Variants in CGAS observed in about 807,000 individuals in gnomAD.
The protein encoded by CGAS is 2'3'-cGAMP synthase.
A neutral mutation model predicts 34.0 loss-of-function variants in CGAS; 31 were observed. The observed-to-expected ratio is 0.91, with a 90% CI of 0.69 to 1.23. The LOEUF is 1.23. Among genes scored for constraint, CGAS ranks in the 50% most tolerant of loss-of-function variants. The probability of loss-of-function intolerance (pLI) is 0.00; values close to 1 mark genes in which losing one functional copy is unlikely to be tolerated. For synonymous variants in CGAS, 266 were observed against 260.0 expected (o/e 1.02, Z -0.22); for missense variants, 597 against 657.6 (o/e 0.91, Z 1.01).
Position 73,451,940 on chromosome 6 carries a change from G to T in CGAS, c.242C>A (p.Ala81Asp). 2 of 1,498,574 alleles carry T rather than the reference G, an allele frequency of 1.3e-6. No individual in the cohort carries two copies. The highest frequency in any genetic ancestry group is 1.9e-4 in the Middle Eastern group (1 of 5,140). The allele number at this position is 1,498,574 out of a possible 1,614,324, so 92.8% of individuals were successfully genotyped here. A position where few individuals can be genotyped will look rare whatever the true frequency, so the allele number is the denominator to read the frequency against. The change falls in exon 1 of 5, where the codon GCC becomes GAC. Residue 81 changes from alanine (A) to aspartate (D), a missense_variant. Ala to Asp is a moderately radical substitution (Grantham distance 126, BLOSUM62 -2). Around this residue, in one of 3 missense-constraint regions of CGAS, gnomAD observed 321 missense variants for 314.3 expected, o/e 1.02. Transcript: ENST00000370315. The stretch of plus-strand genomic sequence containing the variant: ...CTGGGCGCGCTGAGGGGCCTTTTTG[G>T]CGCGGGCCCCAGTTGCGCGGACGGG... ...RPPVRATGAR[A>D]KKAPQRAQDT...
At chr6:73,448,396 T>TCAAAA (rs1281213295) in intron 1 of CGAS, among the ~76,000 whole-genome samples, 2 of 152,026 alleles carry the variant, frequency 1.3e-5, no homozygotes, top group African/African-American at 2.4e-5. Flanking sequence ...AAACTCTGTC[T>TCAAAA]CAAAACAAAA....
intron 2 of CGAS, 118 bp from the exon 3 acceptor site, chr6:73,440,563 T>C (rs1401010605): frequency 3.2e-6 from 3 of 927,538 alleles, no homozygotes; most frequent in Non-Finnish European, 4.8e-6. Context: ...GAAGTAAACA[T>C]TAGTGGTAAA....
chr6:73,428,896 A>G (rs1349463900), intron 3 of CGAS, 85 bp from the exon 4 acceptor site: 2 of 1,239,040 alleles, frequency 1.6e-6, no homozygotes, highest in Non-Finnish European at 2.3e-6. Flanking sequence ...CCTCATGAAA[A>G]TATCCTGGGG....
intron 3 of CGAS, among the ~76,000 whole-genome samples, chr6:73,431,915 G>A (rs1422461079): frequency 1.3e-5 from 2 of 150,002 alleles, no homozygotes; most frequent in East Asian, 2.0e-4. Context: ...CTGAAACCTC[G>A]ACTTCCCAGC....
chr6:73,429,698 C>A (rs900430912), intron 3 of CGAS, among the ~76,000 whole-genome samples: 1 of 151,712 alleles, frequency 6.6e-6, no homozygotes, highest in East Asian at 1.9e-4. Flanking sequence ...TGGTGGCGGG[C>A]GCCTGTAATC....
In CGAS at chr6:73,425,287, A is replaced by G. The variant is rs1253173576; in HGVS notation, c.1509T>C (p.Phe503=). 1 of 1,598,522 alleles carries G rather than the reference A, an allele frequency of 6.3e-7. No homozygotes were observed. Among genetic ancestry groups the G allele is most frequent in the Non-Finnish European group, 8.5e-7 (1 of 1,175,900 alleles). Residue 503 remains phenylalanine (F), a synonymous_variant, in exon 5 of 5, where the codon TTT becomes TTC. Coordinates refer to ENST00000370315, the MANE Select transcript of CGAS (RefSeq NM_138441.3). Reference sequence around the variant, plus strand: ...TTTCATATTCAATTTGCTTTGTCAGAAATTCCTTACTTCTTTTGTCAATTA... The same window carrying G: ...TTTCATATTCAATTTGCTTTGTCAGGAATTCCTTACTTCTTTTGTCAATTA... The part of the protein sequence containing the change: ...SNLIDKRSKE[F]LTKQIEYERN...
At position 73,450,097 on chromosome 6, in the gene CGAS, G is replaced by GAGAGAAGAGAAGAGA. The variant is rs149585527; in HGVS notation, c.657+1413_657+1427dup. On this transcript the variant is annotated intron_variant, in intron 1 of 4. Coordinates refer to ENST00000370315, the MANE Select transcript of CGAS (RefSeq NM_138441.3). ...AGGAAAAGAGAGAGACAGAGAGATA[G>GAGAGAAGAGAAGAGA]AGAGAAGAGAAGAGAAGAGAAAAAA... 3.7e-3 allele frequency among the ~76,000 whole-genome samples: 550 copies of GAGAGAAGAGAAGAGA among 149,948 alleles called. 4 individuals are homozygous for GAGAGAAGAGAAGAGA. Among genetic ancestry groups the GAGAGAAGAGAAGAGA allele is most frequent in the East Asian group, 7.7e-3 (39 of 5,034 alleles).
At chr6:73,427,446 C>T (rs183974456) in intron 4 of CGAS, among the ~76,000 whole-genome samples, 5 of 151,734 alleles carry the variant, frequency 3.3e-5, no homozygotes, top group East Asian at 3.9e-4. Flanking sequence ...ATTACAGGCA[C>T]GTGCCACTGC....
chr6:73,428,900 C>A, intron 3 of CGAS, 89 bp from the exon 4 acceptor site: 2 of 1,210,054 alleles, frequency 1.7e-6, no homozygotes, highest in Non-Finnish European at 2.3e-6. Flanking sequence ...ATGAAAATAT[C>A]CTGGGGCTGG....
chr6:73,452,268 A>C lies in CGAS; in HGVS notation c.-87T>G. ...AGCCAGCAGCAGCTGTTGGAAACCA[A>C]GCACTACTGGCGGGCACACAAGAGT... On this transcript the variant is annotated 5_prime_UTR_variant, in exon 1 of 5. Coordinates refer to ENST00000370315, the MANE Select transcript of CGAS (RefSeq NM_138441.3). 1 of 1,433,956 alleles carries C rather than the reference A, an allele frequency of 7.0e-7. No homozygotes were observed. Among genetic ancestry groups the C allele is most frequent in the Non-Finnish European group, 9.2e-7 (1 of 1,085,588 alleles). 88.8% of individuals were successfully genotyped at this position (1,433,956 alleles called of 1,614,324 possible).
intron 2 of CGAS, among the ~76,000 whole-genome samples, chr6:73,440,711 G>C (rs1296151377): frequency 2.0e-5 from 3 of 152,038 alleles, no homozygotes; most frequent in Admixed American, 1.3e-4. Context: ...AGACCAGCCT[G>C]GCCAACATGG....
At chr6:73,442,616 T>C (rs962388756) in intron 2 of CGAS, among the ~76,000 whole-genome samples, 14 of 146,778 alleles carry the variant, frequency 9.5e-5, no homozygotes, top group African/African-American at 1.5e-4. Context: ...TTTTTTTTTT[T>C]CTGAGACAGT....
At position 73,424,246 on chromosome 6, in the gene CGAS, A is replaced by C. The variant is rs1324483173; in HGVS notation, c.*981T>G. On this transcript the variant is annotated 3_prime_UTR_variant, in exon 5 of 5. Transcript: ENST00000370315. Reference sequence around the variant, plus strand: ...TAAGGAGATCGAGACCATCCTGGCTAACATGGTGAAACCCCATCTTTACTA... The same window carrying C: ...TAAGGAGATCGAGACCATCCTGGCTCACATGGTGAAACCCCATCTTTACTA... 2 of 152,166 alleles carry C rather than the reference A, an allele frequency of 1.3e-5. No individual in the cohort carries two copies. Among genetic ancestry groups the C allele is most frequent in the Non-Finnish European group, 2.9e-5 (2 of 68,052 alleles). 9.4% of individuals were successfully genotyped at this position (152,166 alleles called of 1,614,324 possible).
intron 4 of CGAS, among the ~76,000 whole-genome samples, chr6:73,426,511 A>G (rs1770091413): frequency 6.6e-6 from 1 of 150,758 alleles, no homozygotes; most frequent in Non-Finnish European, 1.5e-5. Context: ...AAGCTAACAG[A>G]TATTTATACT....
Position 73,445,416 on chromosome 6 carries a change from C to A in CGAS, c.877+112G>T, listed in dbSNP as rs1360197064. On this transcript the variant is annotated intron_variant, in intron 2 of 4. Transcript: ENST00000370315. ...CCTCTACTGATGTTTCTTGACCTCT[C>A]TACTGCACTTTTTCTTACTGCAGAG... The A allele has an allele frequency of 3.1e-5, 19 of 622,534 alleles. No individual in the cohort carries two copies. The East Asian group carries it at 5.6e-4, about 18-fold the overall frequency. The allele number at this position is 622,534 out of a possible 1,614,324, so 38.6% of individuals were successfully genotyped here.
intron 3 of CGAS, 143 bp downstream of exon 3, chr6:73,440,066 C>A (rs1308999396): frequency 2.9e-6 from 2 of 683,372 alleles, no homozygotes; most frequent in Non-Finnish European, 4.9e-6. Flanking sequence ...CTGTCTGTCA[C>A]CAGACTCCCA....
chr6:73,452,244 G>C lies in CGAS; in HGVS notation c.-63C>G. 6.7e-7 allele frequency: 1 copy of C among 1,497,528 alleles called. No individual in the cohort carries two copies. The highest frequency in any genetic ancestry group is 8.9e-7 in the Non-Finnish European group (1 of 1,121,544). The allele number at this position is 1,497,528 out of a possible 1,614,324, so 92.8% of individuals were successfully genotyped here. A position where few individuals can be genotyped will look rare whatever the true frequency, so the allele number is the denominator to read the frequency against. Reference sequence around the variant, plus strand: ...TCAGGAAAAGGCCGCAAGAGGAAGAGCCAGCAGCAGCTGTTGGAAACCAAG... The same window carrying C: ...TCAGGAAAAGGCCGCAAGAGGAAGACCCAGCAGCAGCTGTTGGAAACCAAG... On this transcript the variant is annotated 5_prime_UTR_variant, in exon 1 of 5. Transcript: ENST00000370315.
intron 2 of CGAS, among the ~76,000 whole-genome samples, chr6:73,445,081 T>C (rs970163700): frequency 5.9e-5 from 9 of 152,064 alleles, no homozygotes; most frequent in African/African-American, 2.2e-4. Context: ...TAGCTGGATA[T>C]AGGTTTGGAG....
At chr6:73,429,608 C>T (rs1222725014) in intron 3 of CGAS, among the ~76,000 whole-genome samples, 1 of 152,144 alleles carries the variant, frequency 6.6e-6, no homozygotes, top group African/African-American at 2.4e-5. Flanking sequence ...GGGCGGATCA[C>T]AAGGTCGGGA....
Sources: allele counts gnomAD v4.1 joint callset (sites outside exome capture counted in the v4.1 genomes callset), GRCh38; gene constraint gnomAD v4.1.1; regional missense constraint gnomAD v4.1.1; transcripts MANE v1.5; gene names NCBI Gene and HGNC (gene_info 2026-07-23, HGNC 2026-07-21).